The following UST variants were observed in gnomAD, a reference collection of about 807,000 sequenced individuals.
The protein encoded by UST is uronyl 2-sulfotransferase.
UST carries 21 observed loss-of-function variants against 45.6 expected under a neutral mutation model. The observed-to-expected ratio is 0.46, with a 90% CI of 0.33 to 0.66. UST has a LOEUF of 0.66. Among genes scored for constraint, UST ranks in the 30% least tolerant of loss-of-function variants. The probability of loss-of-function intolerance (pLI) is 0.02; values close to 1 mark genes in which losing one functional copy is unlikely to be tolerated. For synonymous variants in UST, 215 were observed against 200.6 expected, an observed-to-expected ratio of 1.07 and a Z score of -0.61; for missense variants, 463 against 512.4, an observed-to-expected ratio of 0.90 and a Z score of 0.93.
At chr6:148,926,241 A>G (rs1249495525) in intron 2 of UST, among the ~76,000 whole-genome samples, 1 of 152,254 alleles carries the variant, frequency 6.6e-6, no homozygotes, top group Non-Finnish European at 1.5e-5. Flanking sequence ...TATGAGACTT[A>G]GAACTCTTTT....
At chr6:148,867,053 A>G (rs1778450216) in intron 1 of UST, among the ~76,000 whole-genome samples, 1 of 152,086 alleles carries the variant, frequency 6.6e-6, no homozygotes, top group Non-Finnish European at 1.5e-5. Context: ...ATGCTCAACT[A>G]ACTTCAGTCT....
chr6:149,023,101 GGTGTGTGTGT>G (rs61544082), intron 7 of UST, among the ~76,000 whole-genome samples: 3,061 of 143,360 alleles, frequency 0.021, 60 homozygotes, highest in East Asian at 0.034. Flanking sequence ...CTTGTTCTAT[GGTGTGTGTGT>G]GTGTGTGTGT....
At chr6:148,862,920 G>A (rs145477707) in intron 1 of UST, among the ~76,000 whole-genome samples, 2,071 of 95,488 alleles carry the variant, frequency 0.022, 47 homozygotes, top group African/African-American at 0.081. Context: ...TCTCTCTGGC[G>A]CCCTTAACAT....
At chr6:148,851,555 A>T (rs2114786553) in intron 1 of UST, among the ~76,000 whole-genome samples, 1 of 152,348 alleles carries the variant, frequency 6.6e-6, no homozygotes, top group South Asian at 2.1e-4. Flanking sequence ...GCATACAGAT[A>T]CAACTGTTTG....
chr6:149,036,995 C>G (rs1304274932), intron 7 of UST, among the ~76,000 whole-genome samples: 1 of 152,098 alleles, frequency 6.6e-6, no homozygotes, highest in Non-Finnish European at 1.5e-5. Flanking sequence ...TTCCACATAA[C>G]CTGGTGGAAA....
intron 1 of UST, among the ~76,000 whole-genome samples, chr6:148,765,827 G>A (rs1421375730): frequency 6.6e-6 from 1 of 152,092 alleles, no homozygotes; most frequent in Non-Finnish European, 1.5e-5. Context: ...CTCCGTTCGG[G>A]GTCCCTGACT....
chr6:148,765,354 T>C (rs11752088), intron 1 of UST, among the ~76,000 whole-genome samples: 49,127 of 152,056 alleles, frequency 0.32, 8,081 homozygotes, highest in African/African-American at 0.35. Flanking sequence ...ACCATGCTGT[T>C]TTGGTTACTA....
At chr6:149,017,387 A>C (rs1011455744) in intron 5 of UST, among the ~76,000 whole-genome samples, 2 of 150,212 alleles carry the variant, frequency 1.3e-5, no homozygotes, top group African/African-American at 5.0e-5. Context: ...AAAAAAAAAC[A>C]AAAAAAGTAA....
chr6:148,968,137 G>C (rs962179701), intron 5 of UST, among the ~76,000 whole-genome samples: 2 of 152,222 alleles, frequency 1.3e-5, no homozygotes, highest in Non-Finnish European at 2.9e-5. Flanking sequence ...GAAGGGTAAA[G>C]GGAGAAGAGG....
intron 7 of UST, among the ~76,000 whole-genome samples, chr6:149,041,824 A>G (rs985339453): frequency 6.6e-6 from 1 of 152,120 alleles, no homozygotes; most frequent in Non-Finnish European, 1.5e-5. Flanking sequence ...TGGCACCAGA[A>G]CCGTCCTCTC....
rs143455769 is a variant in UST at position 148,773,819 on chromosome 6, G to A, written c.247+26142G>A. On this transcript the variant is annotated intron_variant, in intron 1 of 7. Coordinates refer to ENST00000367463, the MANE Select transcript of UST (RefSeq NM_005715.3). ...GTACGTGGGGCGCCATGAACGCAAA[G>A]ACTTCCAGCGGGATGGGCGTTGAGC... Among the ~76,000 whole-genome samples the A allele has an allele frequency of 1.0e-3, 157 of 152,314 alleles. 1 individual carries two copies. The highest frequency in any genetic ancestry group is 3.6e-3 in the African/African-American group (151 of 41,576).
chr6:148,971,021 G>A lies in UST; in HGVS notation c.681+6458G>A, dbSNP rs192958597. 2.6e-4 allele frequency among the ~76,000 whole-genome samples: 40 copies of A among 152,280 alleles called. No individual in the cohort carries two copies. The East Asian group carries it at 6.2e-3, about 24-fold the overall frequency. On this transcript the variant is annotated intron_variant, in intron 5 of 7. Coordinates refer to ENST00000367463, the MANE Select transcript of UST (RefSeq NM_005715.3). Reference sequence around the variant, plus strand: ...GGATTAGGATAGGGACACCTTCGACGTCCATTATTTTGCCTACCACAGTGT... The same window carrying A: ...GGATTAGGATAGGGACACCTTCGACATCCATTATTTTGCCTACCACAGTGT...
intron 7 of UST, among the ~76,000 whole-genome samples, chr6:149,035,106 C>A (rs1460162483): frequency 6.6e-6 from 1 of 152,088 alleles, no homozygotes; most frequent in African/African-American, 2.4e-5. Flanking sequence ...CTAGATTCAT[C>A]CTTTCTATGC....
chr6:148,875,142 TCACGG>T (rs1367371287), intron 1 of UST, among the ~76,000 whole-genome samples: 4 of 152,360 alleles, frequency 2.6e-5, no homozygotes, highest in Non-Finnish European at 5.9e-5. Flanking sequence ...TGACACAGTG[TCACGG>T]CAGCTTCTTT....
chr6:149,005,165 G>C, intron 5 of UST: 1 of 304,366 alleles, frequency 3.3e-6, no homozygotes. Context: ...AAACCCAGGC[G>C]AAGCAGAGCT....
At chr6:149,062,030 G>T (rs943923146) in intron 7 of UST, among the ~76,000 whole-genome samples, 5 of 152,186 alleles carry the variant, frequency 3.3e-5, no homozygotes, top group Non-Finnish European at 7.3e-5. Flanking sequence ...TTAATGGCTG[G>T]GGTAAATATC....
intron 1 of UST, among the ~76,000 whole-genome samples, chr6:148,861,341 A>G (rs1415207116): frequency 6.6e-6 from 1 of 152,006 alleles, no homozygotes; most frequent in African/African-American, 2.4e-5. Flanking sequence ...ATCGGTGATG[A>G]TATCCCCTTT....
chr6:148,772,133 G>A (rs542930693), intron 1 of UST, among the ~76,000 whole-genome samples: 5 of 152,282 alleles, frequency 3.3e-5, no homozygotes, highest in Admixed American at 1.3e-4. Context: ...TACAGTTTAG[G>A]TGTCCTACTT....
intron 1 of UST, among the ~76,000 whole-genome samples, chr6:148,847,809 T>G (rs915210894): frequency 1.3e-5 from 2 of 152,248 alleles, no homozygotes; most frequent in African/African-American, 4.8e-5. Context: ...GGGTAAATTA[T>G]CTGCAGTTCA....
Sources: allele counts gnomAD v4.1 joint callset (sites outside exome capture counted in the v4.1 genomes callset), GRCh38; gene constraint gnomAD v4.1.1; transcripts MANE v1.5; gene names NCBI Gene and HGNC (gene_info 2026-07-23, HGNC 2026-07-21).